VASP: variants seen among roughly 807,000 people sequenced by gnomAD.
The protein encoded by VASP is vasodilator stimulated phosphoprotein.
VASP carries 27 observed loss-of-function variants against 54.4 expected under a neutral mutation model. That is an observed-to-expected ratio of 0.50 (90% CI 0.37 to 0.68). The LOEUF is 0.68. Ranked by LOEUF, VASP falls within the 30% of genes least tolerant of loss-of-function variation. VASP has a pLI of 0.00. For synonymous variants in VASP, 233 were observed against 209.8 expected (o/e 1.11, Z -0.96); for missense variants, 488 against 528.3 (o/e 0.92, Z 0.75).
chr19:45,525,292 G>A (rs762354908), intron 11 of VASP, among the ~76,000 whole-genome samples: 3 of 152,098 alleles, frequency 2.0e-5, no homozygotes, highest in Non-Finnish European at 2.9e-5. Context: ...GGCCAGGTGC[G>A]GTGGCTCATG....
intron 1 of VASP, among the ~76,000 whole-genome samples, chr19:45,516,679 TTG>T (rs1303022780): frequency 6.6e-6 from 1 of 152,174 alleles, no homozygotes; most frequent in Non-Finnish European, 1.5e-5. Flanking sequence ...TTTTGTTGTG[TTG>T]TGTTTTTTAT....
intron 1 of VASP, among the ~76,000 whole-genome samples, chr19:45,511,976 C>T (rs1237802458): frequency 6.6e-6 from 1 of 152,062 alleles, no homozygotes; most frequent in African/African-American, 2.4e-5. Context: ...TGGTGGCACA[C>T]GTTTGTAATC....
chr19:45,519,142 G>A (rs1480202316), intron 3 of VASP, among the ~76,000 whole-genome samples: 1 of 152,226 alleles, frequency 6.6e-6, no homozygotes, highest in Non-Finnish European at 1.5e-5. Flanking sequence ...AGCCTCCCGA[G>A]TAGCTGGGAC....
intron 1 of VASP, among the ~76,000 whole-genome samples, chr19:45,513,873 C>CT (rs751984164): frequency 6.6e-5 from 10 of 152,170 alleles, no homozygotes; most frequent in African/African-American, 1.4e-4. Context: ...CAAAGTTTGC[C>CT]TTTTTTTACA....
intron 11 of VASP, chr19:45,524,896 T>G: frequency 2.4e-6 from 1 of 420,290 alleles, no homozygotes; most frequent in Non-Finnish European, 4.5e-6. Flanking sequence ...CTTGAATTCT[T>G]TCCGCACATT....
intron 10 of VASP, 84 bp downstream of exon 10, chr19:45,524,226 C>A: frequency 1.4e-6 from 2 of 1,477,822 alleles, no homozygotes; most frequent in East Asian, 2.3e-5. Flanking sequence ...GCCTGGGCAA[C>A]ATGGCGACAC....
rs759094492 is a variant in VASP at position 45,524,318 on chromosome 19, C to T, written c.956+176C>T. On this transcript the variant is annotated intron_variant, in intron 10 of 12. Transcript: ENST00000245932. ...TCAGGAGGCTGAGGTGGGAGGATTACTTGAGCCCAGGAAGTTGAGGCCTCA... is the reference window on the plus strand; with the variant it reads ...TCAGGAGGCTGAGGTGGGAGGATTATTTGAGCCCAGGAAGTTGAGGCCTCA... The T allele has an allele frequency of 3.2e-5, 25 of 783,984 alleles. No individual in the cohort carries two copies. The East Asian group carries it at 6.2e-4, about 19-fold the overall frequency. The allele number at this position is 783,984 out of a possible 1,614,324, so 48.6% of individuals were successfully genotyped here.
chr19:45,525,864 T>G, intron 11 of VASP, 82 bp from the exon 12 acceptor site: 3 of 1,417,138 alleles, frequency 2.1e-6, no homozygotes, highest in Non-Finnish European at 2.9e-6. Context: ...GCAAGGTTCC[T>G]TCTCAAAAAA....
rs199933144 is a variant in VASP at position 45,526,167 on chromosome 19, G to A, written c.1133G>A (p.Gly378Asp). The A allele has an allele frequency of 2.5e-6, 4 of 1,612,690 alleles. No homozygotes were observed. Among genetic ancestry groups the A allele is most frequent in the African/African-American group, 2.7e-5 (2 of 74,802 alleles). ...TTCGTCCAGGAGCTGAGGAAGCGGG[G>A]TTCTCCCTGACCACAGGGACCCAGA... The part of the protein sequence containing the change: ...EAFVQELRKR[G>D]SP The change falls in exon 13 of 13, where the codon GGT becomes GAT. Residue 378 changes from glycine (G) to aspartate (D), a missense_variant. Transcript: ENST00000245932.
chr19:45,524,360 C>A, intron 10 of VASP: 1 of 669,836 alleles, frequency 1.5e-6, no homozygotes, highest in Non-Finnish European at 2.6e-6. Flanking sequence ...CATCATCATG[C>A]CTGCACTCCA....
At chr19:45,523,530 T>C in intron 7 of VASP, 114 bp from the exon 8 acceptor site, 3 of 1,218,530 alleles carry the variant, frequency 2.5e-6, no homozygotes, top group Non-Finnish European at 3.5e-6. Flanking sequence ...AGAGTTTCCT[T>C]AGGTTTTCGG....
At chr19:45,508,126 C>T (rs1968525609) in intron 1 of VASP, among the ~76,000 whole-genome samples, 1 of 152,090 alleles carries the variant, frequency 6.6e-6, no homozygotes, top group Non-Finnish European at 1.5e-5. Flanking sequence ...CTCTCCTCCC[C>T]CTCCCCCCAG....
At chr19:45,510,887 C>G (rs1968587662) in intron 1 of VASP, among the ~76,000 whole-genome samples, 1 of 146,276 alleles carries the variant, frequency 6.8e-6, no homozygotes, top group Non-Finnish European at 1.5e-5. Flanking sequence ...GAGTCATATT[C>G]TTGCCACTGC....
intron 7 of VASP, among the ~76,000 whole-genome samples, chr19:45,523,189 AATTTTTTTTTTTTTT>A (rs1968882112): frequency 9.3e-6 from 1 of 107,002 alleles, no homozygotes; most frequent in African/African-American, 4.0e-5. Context: ...CAATCTCTTG[AATTTTTTTTTTTTTT>A]TTTTTTTTTT....
chr19:45,523,931 T>G lies in VASP; in HGVS notation c.910+54T>G, dbSNP rs1568390846. On this transcript the variant is annotated intron_variant, in intron 9 of 12. Transcript: ENST00000245932. ...GAACTACAAATCCCAGAATACTCTG[T>G]TCTCACATGTTAAGCACCCTTATAG... 2.5e-6 allele frequency: 4 copies of G among 1,612,064 alleles called. No homozygotes were observed. The East Asian group carries it at 8.9e-5, about 36-fold the overall frequency.
intron 11 of VASP, chr19:45,525,193 A>G (rs1968934496): frequency 6.4e-6 from 1 of 155,514 alleles, no homozygotes; most frequent in African/African-American, 2.4e-5. Flanking sequence ...AGGTGGGAGC[A>G]TTGCTTGAGG....
chr19:45,519,933 C>T (rs1405590578), intron 3 of VASP, among the ~76,000 whole-genome samples: 7 of 99,214 alleles, frequency 7.1e-5, no homozygotes, highest in African/African-American at 2.9e-4. Context: ...AATATGGAGT[C>T]TCACTCTGTC....
chr19:45,523,408 G>A (rs1334571514), intron 7 of VASP, among the ~76,000 whole-genome samples: 4 of 151,690 alleles, frequency 2.6e-5, no homozygotes, highest in East Asian at 3.9e-4. Context: ...TCACCATGTT[G>A]GCCAGGCTGG....
In VASP at chr19:45,522,188, A is replaced by G; in HGVS notation, c.449A>G (p.Glu150Gly). ...CACAGGCAGCAGCCCGGCCCGTCGG[A>G]GCACATAGAGCGCCGGGTCTCCAAT... The part of the protein sequence containing the change: ...QQKRQQPGPS[E>G]HIERRVSNAG... The change falls in exon 5 of 13, where the codon GAG (glutamate) becomes GGG (glycine). Residue 150 changes from glutamate (E) to glycine (G), a missense_variant. Transcript: ENST00000245932. 1 of 1,614,038 alleles carries G rather than the reference A, an allele frequency of 6.2e-7. No homozygotes were observed. The highest frequency in any genetic ancestry group is 8.5e-7 in the Non-Finnish European group (1 of 1,180,002).
Sources: gnomAD v4.1 joint callset for allele counts (sites outside exome capture counted in the v4.1 genomes callset) on GRCh38, gnomAD v4.1.1 for gene constraint, MANE v1.5 for transcripts, NCBI Gene and HGNC (gene_info 2026-07-23, HGNC 2026-07-21) for gene names.